IL2RB: variants seen among roughly 807,000 people sequenced by gnomAD.
IL2RB encodes interleukin-2 receptor subunit beta.
IL2RB carries 17 observed loss-of-function variants against 44.2 expected under a neutral mutation model. The observed-to-expected ratio is 0.38, with a 90% confidence interval of 0.26 to 0.58. The LOEUF (loss-of-function observed/expected upper bound fraction) is 0.58. Among genes scored for constraint, IL2RB ranks in the 20% least tolerant of loss-of-function variants. The pLI is 0.63. For synonymous variants in IL2RB, 286 were observed against 297.9 expected (o/e 0.96, Z 0.41); for missense variants, 624 against 685.5 (o/e 0.91, Z 1.00).
In IL2RB at chr22:37,128,368, T is replaced by C. The variant is rs1476663706; in HGVS notation, c.1384A>G (p.Arg462Gly). The stretch of plus-strand genomic sequence containing the variant: ...TGGGGGTCCCAGTCTCTGGGGACTC[T>C]TTCTTGCAAAGAAGGGGGCATCCTC... Reference protein sequence around the residue: ...EERMPPSLQERVPRDWDPQPL... With the variant: ...EERMPPSLQEGVPRDWDPQPL... Residue 462 changes from arginine to glycine, a missense_variant, in exon 10 of 10, where the codon AGA becomes GGA. Physicochemically the swap from Arg to Gly is moderately radical, Grantham distance 125 (BLOSUM62 -2). Coordinates refer to ENST00000216223, the MANE Select transcript of IL2RB (RefSeq NM_000878.5). This position sits in a 1 kb window ranked among gnomAD's most constrained non-coding sequence, Gnocchi z 4.5. 6.6e-7 allele frequency: 1 copy of C among 1,508,086 alleles called. No homozygotes were observed. Among genetic ancestry groups the C allele is most frequent in the Admixed American group, 2.3e-5 (1 of 43,564 alleles). The allele number at this position is 1,508,086 out of a possible 1,614,324, so 93.4% of individuals were successfully genotyped here. A position where few individuals can be genotyped will look rare whatever the true frequency, so the allele number is the denominator to read the frequency against.
chr22:37,156,903 CT>C (rs1922698144), intron 1 of IL2RB, among the ~76,000 whole-genome samples: 1 of 152,204 alleles, frequency 6.6e-6, no homozygotes, highest in African/African-American at 2.4e-5. Flanking sequence ...CCCTCAAGTC[CT>C]TGTGTTCCGC....
chr22:37,136,133 T>C, intron 7 of IL2RB, 95 bp downstream of exon 7: 1 of 1,343,998 alleles, frequency 7.4e-7, no homozygotes, highest in Non-Finnish European at 1.0e-6. Flanking sequence ...CTGACTGCTA[T>C]ACCCTCACCC....
At chr22:37,174,292 C>A (rs1391405453) in intron 1 of IL2RB, among the ~76,000 whole-genome samples, 1 of 152,154 alleles carries the variant, frequency 6.6e-6, no homozygotes. Flanking sequence ...AGCCTTGCCA[C>A]TGAATGCTGA....
intron 1 of IL2RB, among the ~76,000 whole-genome samples, chr22:37,155,391 C>T (rs1922644408): frequency 6.6e-6 from 1 of 152,230 alleles, no homozygotes; most frequent in African/African-American, 2.4e-5. Flanking sequence ...ATCATACACA[C>T]TCAAACCTTC....
intron 9 of IL2RB, among the ~76,000 whole-genome samples, chr22:37,129,587 A>C (rs1367180743): frequency 6.6e-6 from 1 of 152,132 alleles, no homozygotes; most frequent in Non-Finnish European, 1.5e-5. Context: ...CCTGGCACTC[A>C]CTAACTGTGT....
chr22:37,168,867 C>T (rs372040421), intron 1 of IL2RB, among the ~76,000 whole-genome samples: 40 of 152,338 alleles, frequency 2.6e-4, no homozygotes, highest in Middle Eastern at 3.4e-3. Flanking sequence ...AGGGGCACTG[C>T]TTATATAGGG....
chr22:37,132,473 A>T lies in IL2RB; in HGVS notation c.819-5T>A, dbSNP rs1195642933. On this transcript the variant is annotated splice_region_variant and splice_polypyrimidine_tract_variant and intron_variant, in intron 8 of 9. Coordinates refer to ENST00000216223, the MANE Select transcript of IL2RB (RefSeq NM_000878.5). ...CACTTCAGGACCTTCTTCAGCCTGG[A>T]CAGAGGAGAGGAGGGAAGGAGGAGG... is the stretch of plus-strand genomic sequence containing the variant. 6.2e-7 allele frequency: 1 copy of T among 1,612,254 alleles called. No individual in the cohort carries two copies. Among genetic ancestry groups the T allele is most frequent in the East Asian group, 2.2e-5 (1 of 44,866 alleles).
chr22:37,135,308 G>T lies in IL2RB; in HGVS notation c.818+20C>A, dbSNP rs1447397186. ...TTGGAGGGGTGGGAGCATGAAGGAA[G>T]GGGAGGAGAACCTTCTTACCATGGC... On this transcript the variant is annotated intron_variant, in intron 8 of 9. Transcript: ENST00000216223. 6.4e-7 allele frequency: 1 copy of T among 1,563,932 alleles called. No individual in the cohort carries two copies. The highest frequency in any genetic ancestry group is 1.7e-5 in the Admixed American group (1 of 59,886).
In IL2RB at chr22:37,126,945, G is replaced by C. The variant is rs1165975084; in HGVS notation, c.*1151C>G. The C allele has an allele frequency of 6.6e-6, 1 of 152,170 alleles. No individual in the cohort carries two copies. Among genetic ancestry groups the C allele is most frequent in the Non-Finnish European group, 1.5e-5 (1 of 68,062 alleles). 9.4% of individuals were successfully genotyped at this position (152,170 alleles called of 1,614,324 possible). A position where few individuals can be genotyped will look rare whatever the true frequency, so the allele number is the denominator to read the frequency against. ...GACGGGGTGTTGGGCACTGTGTCTGGGGCAGTGAAAAATAATGAGGCCCTG... is the reference window on the plus strand; with the variant it reads ...GACGGGGTGTTGGGCACTGTGTCTGCGGCAGTGAAAAATAATGAGGCCCTG... On this transcript the variant is annotated 3_prime_UTR_variant, in exon 10 of 10. Coordinates refer to ENST00000216223, the MANE Select transcript of IL2RB (RefSeq NM_000878.5).
chr22:37,138,011 T>C (rs1280349021), intron 5 of IL2RB, among the ~76,000 whole-genome samples: 1 of 152,152 alleles, frequency 6.6e-6, no homozygotes, highest in Non-Finnish European at 1.5e-5. Flanking sequence ...ATGGTTTGGT[T>C]TCTTTACTCA....
chr22:37,170,280 G>A (rs1212510893), intron 1 of IL2RB, among the ~76,000 whole-genome samples: 1 of 152,198 alleles, frequency 6.6e-6, no homozygotes, highest in East Asian at 1.9e-4. Flanking sequence ...AAGGTTGGGG[G>A]TGAAATGAGC....
upstream of IL2RB, among the ~76,000 whole-genome samples, chr22:37,152,285 T>A (rs572729081): frequency 1.3e-5 from 2 of 152,330 alleles, no homozygotes; most frequent in African/African-American, 4.8e-5. Context: ...ATCTTTCACT[T>A]TTTTGGTTAC....
intron 1 of IL2RB, among the ~76,000 whole-genome samples, chr22:37,169,035 A>G (rs1297432322): frequency 1.4e-5 from 2 of 138,074 alleles, no homozygotes; most frequent in East Asian, 2.2e-4. Context: ...TTTACAGAGG[A>G]GTTCTGTTTA....
At chr22:37,137,030 G>T (rs1333485603) in intron 6 of IL2RB, among the ~76,000 whole-genome samples, 1 of 152,092 alleles carries the variant, frequency 6.6e-6, no homozygotes, top group African/African-American at 2.4e-5. Context: ...TCACTATCCG[G>T]GTGCCTCACT....
At position 37,137,626 on chromosome 22, in the gene IL2RB, C is replaced by G; in HGVS notation, c.498G>C (p.Glu166Asp). The G allele has an allele frequency of 6.2e-7, 1 of 1,614,232 alleles. No individual in the cohort carries two copies. The highest frequency in any genetic ancestry group is 8.5e-7 in the Non-Finnish European group (1 of 1,180,042). ...QASHYFERHLEFEARTLSPGH... is the reference protein window; with the variant it reads ...QASHYFERHLDFEARTLSPGH... Reference sequence around the variant, plus strand: ...CTGGGGACAGCGTCCGGGCCTCGAACTCCAGGTGTCTTTCAAAGTAGTGGG... The same window carrying G: ...CTGGGGACAGCGTCCGGGCCTCGAAGTCCAGGTGTCTTTCAAAGTAGTGGG... The change falls in exon 6 of 10, where the codon GAG becomes GAC. Residue 166 changes from glutamate (E) to aspartate (D), a missense_variant. Physicochemically the swap from Glu to Asp is conservative, Grantham distance 45. Around this residue, in one of 3 missense-constraint regions of IL2RB, gnomAD observed 255 missense variants for 339.9 expected, o/e 0.75. Coordinates refer to ENST00000216223, the MANE Select transcript of IL2RB (RefSeq NM_000878.5).
intron 1 of IL2RB, among the ~76,000 whole-genome samples, chr22:37,157,531 G>T (rs570955250): frequency 2.0e-5 from 3 of 152,302 alleles, no homozygotes; most frequent in African/African-American, 7.2e-5. Flanking sequence ...GCGCCAAGGT[G>T]ACCAGCTGTC....
At chr22:37,164,839 G>C (rs1923014244) in intron 1 of IL2RB, among the ~76,000 whole-genome samples, 1 of 152,162 alleles carries the variant, frequency 6.6e-6, no homozygotes, top group South Asian at 2.1e-4. Context: ...AACTCCTCTA[G>C]CCCTTACTAC....
chr22:37,167,449 A>G (rs746252936), intron 1 of IL2RB, among the ~76,000 whole-genome samples: 1 of 152,124 alleles, frequency 6.6e-6, no homozygotes, highest in Non-Finnish European at 1.5e-5. Flanking sequence ...TTCCTGCTGC[A>G]CTTATGCAGT....
intron 1 of IL2RB, 75 bp from the exon 2 acceptor site, chr22:37,144,280 G>GC: frequency 6.8e-7 from 1 of 1,468,930 alleles, no homozygotes; most frequent in Non-Finnish European, 9.0e-7. Flanking sequence ...GGCAGGCTGG[G>GC]CCCGCCCCCT....
Sources: gnomAD v4.1 joint callset for allele counts (sites outside exome capture counted in the v4.1 genomes callset) on GRCh38, gnomAD v4.1.1 for gene constraint, gnomAD v4.1.1 regional missense constraint, Gnocchi (gnomAD v3.1) non-coding constraint, MANE v1.5 for transcripts, NCBI Gene and HGNC (gene_info 2026-07-23, HGNC 2026-07-21) for gene names.